CLASP1: variants seen among roughly 807,000 people sequenced by gnomAD.
CLASP1 encodes cytoplasmic linker associated protein 1, also known as CLIP-associating protein 1.
A neutral mutation model predicts 192.3 loss-of-function variants in CLASP1; 38 were observed. The observed-to-expected ratio is 0.20, with a 90% CI of 0.15 to 0.26. The LOEUF (loss-of-function observed/expected upper bound fraction) is 0.26. Ranked by LOEUF, CLASP1 falls within the 10% of genes least tolerant of loss-of-function variation. The pLI, the probability that CLASP1 is intolerant of heterozygous loss-of-function variation, is 1.00. For missense variants in CLASP1, 1,433 were observed against 1,932.5 expected (o/e 0.74, Z 4.85); for synonymous variants, 691 against 712.8 (o/e 0.97, Z 0.49).
At chr2:121,582,851 C>G (rs979407941) in intron 2 of CLASP1, among the ~76,000 whole-genome samples, 5 of 151,196 alleles carry the variant, frequency 3.3e-5, no homozygotes, top group African/African-American at 1.2e-4. Flanking sequence ...GTGGCGCGAT[C>G]TCAGCTCTCT....
intron 6 of CLASP1, among the ~76,000 whole-genome samples, chr2:121,521,744 TGA>T (rs1239907615): frequency 2.6e-5 from 4 of 152,194 alleles, no homozygotes; most frequent in South Asian, 2.1e-4. Flanking sequence ...CCTGAAGAGC[TGA>T]GAGAGGATTC....
chr2:121,427,293 TTAAC>T (rs1401141938), intron 21 of CLASP1, 107 bp downstream of exon 21: 9 of 1,308,136 alleles, frequency 6.9e-6, no homozygotes, highest in African/African-American at 4.5e-5. Flanking sequence ...CGCAGAAAGA[TTAAC>T]TAAGCTTACA....
intron 34 of CLASP1, among the ~76,000 whole-genome samples, chr2:121,377,140 G>A (rs2070443444): frequency 6.6e-6 from 1 of 152,212 alleles, no homozygotes; most frequent in Non-Finnish European, 1.5e-5. Context: ...GTTGGGGACT[G>A]CTGCTCTAAA....
intron 30 of CLASP1, among the ~76,000 whole-genome samples, chr2:121,394,704 AC>A (rs1254773112): frequency 6.6e-6 from 1 of 152,050 alleles, no homozygotes; most frequent in Non-Finnish European, 1.5e-5. Flanking sequence ...ACATGGTGAA[AC>A]CCCTTCTCTA....
intron 39 of CLASP1, among the ~76,000 whole-genome samples, chr2:121,344,076 A>G (rs1280363748): frequency 6.6e-6 from 1 of 152,176 alleles, no homozygotes; most frequent in Non-Finnish European, 1.5e-5. Context: ...ATCTCAAAAA[A>G]AAACAGTTAC....
intron 36 of CLASP1, chr2:121,364,770 T>C (rs1573836542): frequency 3.6e-6 from 1 of 278,246 alleles, no homozygotes; most frequent in East Asian, 7.6e-5. Flanking sequence ...AGTAAAAAAG[T>C]ACATCCTAAA....
At chr2:121,536,779 T>C (rs761233546) in intron 2 of CLASP1, among the ~76,000 whole-genome samples, 1 of 152,074 alleles carries the variant, frequency 6.6e-6, no homozygotes, top group Non-Finnish European at 1.5e-5. Flanking sequence ...CTGCCAGGGA[T>C]TGTGGAAGGG....
chr2:121,519,440 C>T (rs2094406141), intron 6 of CLASP1, among the ~76,000 whole-genome samples: 2 of 152,162 alleles, frequency 1.3e-5, no homozygotes, highest in Non-Finnish European at 2.9e-5. Context: ...CCACCACCAC[C>T]CAGCCACAGA....
rs70954550 is a variant in CLASP1 at position 121,470,293 on chromosome 2, CTTTTTTTTTTTTT to C, written c.713-346_713-334del. The C allele has an allele frequency of 2.3e-3, 701 of 308,026 alleles. 1 individual carries two copies. The highest frequency in any genetic ancestry group is 5.8e-3 in the African/African-American group (202 of 34,720). 19.1% of individuals were successfully genotyped at this position (308,026 alleles called of 1,614,324 possible). A position where few individuals can be genotyped will look rare whatever the true frequency, so the allele number is the denominator to read the frequency against. Reference sequence around the variant, plus strand: ...TCTGCAACATTTCTGACCATCCATGCTTTTTTTTTTTTTTTTTTTTTTTTTTTGAAGACAGAGT... The same window carrying C: ...TCTGCAACATTTCTGACCATCCATGCTTTTTTTTTTTTTTGAAGACAGAGT... On this transcript the variant is annotated intron_variant, in intron 8 of 39. Transcript: ENST00000263710.
intron 8 of CLASP1, among the ~76,000 whole-genome samples, chr2:121,478,823 C>CCA (rs1217742993): frequency 1.3e-3 from 39 of 31,020 alleles, no homozygotes; most frequent in African/African-American, 4.7e-3. Context: ...CCACACACAA[C>CCA]CACACACCAC....
chr2:121,383,946 A>G (rs1478528606), intron 32 of CLASP1, among the ~76,000 whole-genome samples: 2 of 150,136 alleles, frequency 1.3e-5, no homozygotes, highest in East Asian at 3.9e-4. Flanking sequence ...CAGCATCTCT[A>G]CTACTACTGG....
At chr2:121,346,059 G>T (rs2063413320) in intron 39 of CLASP1, among the ~76,000 whole-genome samples, 1 of 152,260 alleles carries the variant, frequency 6.6e-6, no homozygotes, top group Admixed American at 6.5e-5. Flanking sequence ...ATGCTCACCA[G>T]CTGTATCAAA....
chr2:121,493,063 A>T (rs1176529913), intron 8 of CLASP1, among the ~76,000 whole-genome samples: 1 of 152,218 alleles, frequency 6.6e-6, no homozygotes, highest in Non-Finnish European at 1.5e-5. Flanking sequence ...ATTACTGTCC[A>T]TACTACTCAA....
intron 15 of CLASP1, 52 bp from the exon 16 acceptor site, chr2:121,451,042 C>T: frequency 3.4e-6 from 4 of 1,177,504 alleles, no homozygotes; most frequent in East Asian, 2.4e-5. Context: ...TGGTTTGATG[C>T]AAGTGAAACC....
intron 2 of CLASP1, among the ~76,000 whole-genome samples, chr2:121,556,855 T>C (rs1372346234): frequency 6.6e-6 from 1 of 152,196 alleles, no homozygotes; most frequent in Non-Finnish European, 1.5e-5. Context: ...TAAAAAGTTA[T>C]ACCAAAATAC....
intron 7 of CLASP1, among the ~76,000 whole-genome samples, chr2:121,506,197 T>C (rs953779555): frequency 2.0e-4 from 30 of 152,254 alleles, no homozygotes; most frequent in Admixed American, 9.2e-4. Context: ...CAACTTATCA[T>C]CATGGCAAGT....
At chr2:121,586,129 T>C (rs2061689727) in intron 2 of CLASP1, among the ~76,000 whole-genome samples, 1 of 152,074 alleles carries the variant, frequency 6.6e-6, no homozygotes, top group African/African-American at 2.4e-5. Flanking sequence ...AGGACCCTAT[T>C]CTTTTTTTCT....
chr2:121,536,425 T>C (rs2095081699), intron 2 of CLASP1, among the ~76,000 whole-genome samples: 1 of 147,508 alleles, frequency 6.8e-6, no homozygotes, highest in Non-Finnish European at 1.5e-5. Context: ...TATTACCATA[T>C]GATTCCAGCA....
In CLASP1 at chr2:121,509,690, T is replaced by G. The variant is rs533112384; in HGVS notation, c.644+5975A>C. ...TCGTCTCTACTAAAATTACAAAAAT[T>G]AGCCGGGTGTGGTGGTATACATCTG... is the stretch of plus-strand genomic sequence containing the variant. On this transcript the variant is annotated intron_variant, in intron 7 of 39. Coordinates refer to ENST00000263710, the Ensembl canonical transcript of CLASP1. Among the ~76,000 whole-genome samples the G allele has an allele frequency of 3.9e-5, 6 of 152,212 alleles. No individual in the cohort carries two copies. The South Asian group carries it at 8.3e-4, about 21-fold the overall frequency.
Sources: gnomAD v4.1 joint callset for allele counts (sites outside exome capture counted in the v4.1 genomes callset) on GRCh38, gnomAD v4.1.1 for gene constraint, MANE v1.5 for transcripts, NCBI Gene and HGNC (gene_info 2026-07-23, HGNC 2026-07-21) for gene names.